UNC13B: variants seen among roughly 807,000 people sequenced by gnomAD.
UNC13B encodes the protein unc-13 homolog B.
A neutral mutation model predicts 211.0 loss-of-function variants in UNC13B; 144 were observed. The ratio of observed to expected loss-of-function variants is 0.68; its 90% CI spans 0.60 to 0.78. The LOEUF (loss-of-function observed/expected upper bound fraction) is 0.78, where lower values mean the gene tolerates loss of function less well. Among genes scored for constraint, UNC13B ranks in the 30% least tolerant of loss-of-function variants. The pLI is 0.00. For synonymous variants in UNC13B, 709 were observed against 725.8 expected, an observed-to-expected ratio of 0.98 and a Z score of 0.37; for missense variants, 1,777 against 2,002.0, an observed-to-expected ratio of 0.89 and a Z score of 2.14.
chr9:35,355,288 A>T (rs1193808361), intron 11 of UNC13B, among the ~76,000 whole-genome samples: 1 of 152,216 alleles, frequency 6.6e-6, no homozygotes, highest in African/African-American at 2.4e-5. Context: ...CCCATGGGGA[A>T]ATGTATTAGG....
intron 6 of UNC13B, among the ~76,000 whole-genome samples, chr9:35,251,308 G>A (rs1013486597): frequency 4.6e-5 from 7 of 152,112 alleles, no homozygotes; most frequent in Admixed American, 1.3e-4. Context: ...CAATCCAGCC[G>A]GGTGTGTTGG....
At chr9:35,289,336 C>A (rs1288764882) in intron 7 of UNC13B, among the ~76,000 whole-genome samples, 1 of 152,114 alleles carries the variant, frequency 6.6e-6, no homozygotes. Context: ...AGTTTGTGGG[C>A]CTTGTGGACC....
chr9:35,167,499 C>T (rs532580125), intron 1 of UNC13B, among the ~76,000 whole-genome samples: 2 of 151,666 alleles, frequency 1.3e-5, no homozygotes, highest in South Asian at 2.1e-4. Flanking sequence ...TATAAGCATA[C>T]ATAATTTAAA....
intron 7 of UNC13B, among the ~76,000 whole-genome samples, chr9:35,259,789 G>T (rs1827147045): frequency 7.7e-6 from 1 of 130,106 alleles, no homozygotes; most frequent in Non-Finnish European, 1.7e-5. Flanking sequence ...GTGTGTGTAG[G>T]GGGATGCGGG....
At position 35,310,563 on chromosome 9, in the gene UNC13B, C is replaced by A. The variant is rs765979882; in HGVS notation, c.9105C>A (p.Asp3035Glu). 1.9e-6 allele frequency: 3 copies of A among 1,613,964 alleles called. No individual in the cohort carries two copies. Among genetic ancestry groups the A allele is most frequent in the African/African-American group, 2.7e-5 (2 of 74,888 alleles). Residue 3035 changes from aspartate to glutamate, a missense_variant, in exon 10 of 40, where the codon GAC (aspartate) becomes GAA (glutamate). Physicochemically the swap from Asp to Glu is conservative, Grantham distance 45. Coordinates refer to ENST00000635942, the MANE Select transcript of UNC13B (RefSeq NM_001371189.2). ...ELDQYHEQDD[D>E]HRETDSIHSC... ...ACCAGTATCACGAACAAGATGACGA[C>A]CATCGGGAGACGGACTCGATTCATT...
intron 11 of UNC13B, chr9:35,352,563 G>C: frequency 1.6e-6 from 2 of 1,232,120 alleles, no homozygotes; most frequent in Non-Finnish European, 2.0e-6. Flanking sequence ...ATGGAAACAG[G>C]GGACAGGGGA....
intron 7 of UNC13B, among the ~76,000 whole-genome samples, chr9:35,280,256 A>ATG (rs2131722433): frequency 6.6e-6 from 1 of 152,314 alleles, no homozygotes; most frequent in African/African-American, 2.4e-5. Context: ...GTTATTTGCA[A>ATG]TGTAAAGTTT....
chr9:35,350,734 TAA>T (rs35760754), intron 11 of UNC13B, among the ~76,000 whole-genome samples: 24,114 of 152,092 alleles, frequency 0.16, 2,878 homozygotes, highest in African/African-American at 0.32. Flanking sequence ...TTAAAATACG[TAA>T]ACCATTGTCC....
At chr9:35,169,847 T>C (rs1283200460) in intron 1 of UNC13B, among the ~76,000 whole-genome samples, 1 of 152,268 alleles carries the variant, frequency 6.6e-6, no homozygotes, top group East Asian at 1.9e-4. Context: ...GCTTAATTTT[T>C]ATCCTATTTA....
intron 11 of UNC13B, among the ~76,000 whole-genome samples, chr9:35,323,117 GTTAATC>G (rs1830823507): frequency 6.6e-6 from 1 of 151,356 alleles, no homozygotes; most frequent in African/African-American, 2.4e-5. Context: ...TCAGTCCAGA[GTTAATC>G]CATCCATTTA....
chr9:35,289,899 C>A (rs1211396237), intron 7 of UNC13B, among the ~76,000 whole-genome samples: 1 of 152,122 alleles, frequency 6.6e-6, no homozygotes, highest in Non-Finnish European at 1.5e-5. Context: ...ATCACTTGAA[C>A]CTGGGGACAG....
At chr9:35,276,379 A>T (rs76370790) in intron 7 of UNC13B, among the ~76,000 whole-genome samples, 1 of 151,514 alleles carries the variant, frequency 6.6e-6, no homozygotes, top group East Asian at 1.9e-4. Flanking sequence ...CATAGCAAAG[A>T]TCTGTTTCCC....
At chr9:35,219,611 T>G (rs1425452981) in intron 1 of UNC13B, among the ~76,000 whole-genome samples, 1 of 143,628 alleles carries the variant, frequency 7.0e-6, no homozygotes, top group Admixed American at 7.1e-5. Context: ...AGCAAGACCC[T>G]GTGTCCAAAA....
chr9:35,313,363 G>T (rs540505764), intron 10 of UNC13B, among the ~76,000 whole-genome samples: 5 of 152,244 alleles, frequency 3.3e-5, no homozygotes, highest in African/African-American at 1.2e-4. Context: ...AGTGGCTCAC[G>T]CCTGTAATCC....
chr9:35,170,109 A>G (rs1290639841), intron 1 of UNC13B, among the ~76,000 whole-genome samples: 1 of 152,170 alleles, frequency 6.6e-6, no homozygotes, highest in Non-Finnish European at 1.5e-5. Context: ...TTGAGTAGGG[A>G]AATAACTGCA....
chr9:35,313,895 C>G lies in UNC13B; in HGVS notation c.9324-4C>G. The G allele has an allele frequency of 6.2e-7, 1 of 1,611,790 alleles. No homozygotes were observed. Among genetic ancestry groups the G allele is most frequent in the Non-Finnish European group, 8.5e-7 (1 of 1,178,046 alleles). The stretch of plus-strand genomic sequence containing the variant: ...TAAGAAATGTACTTTTTCTCTGTTA[C>G]AAGTTTTCCTGAGGAGAATGCATCT... On this transcript the variant is annotated splice_polypyrimidine_tract_variant and splice_region_variant and intron_variant, in intron 10 of 39. Transcript: ENST00000635942.
Position 35,348,981 on chromosome 9 carries a change from G to A in UNC13B, c.9415-17966G>A, listed in dbSNP as rs191640242. On this transcript the variant is annotated intron_variant, in intron 11 of 39. Coordinates refer to ENST00000635942, the MANE Select transcript of UNC13B (RefSeq NM_001371189.2). ...TGCCCAGGCTGGAGTGCAGTGGTGC[G>A]ATCTTGGCTCACCGCAACCTCTGCC... is the stretch of plus-strand genomic sequence containing the variant. Among the ~76,000 whole-genome samples, 266 of 152,058 alleles carry A rather than the reference G, an allele frequency of 1.7e-3. 3 individuals are homozygous for A. Among genetic ancestry groups the A allele is most frequent in the Non-Finnish European group, 2.9e-4 (20 of 67,976 alleles).
chr9:35,169,608 G>A (rs183906751), intron 1 of UNC13B, among the ~76,000 whole-genome samples: 6 of 152,196 alleles, frequency 3.9e-5, no homozygotes, highest in South Asian at 2.1e-4. Context: ...TCCATCGATC[G>A]TGGTTCTAGT....
chr9:35,339,009 A>G (rs1831826811), intron 11 of UNC13B, among the ~76,000 whole-genome samples: 2 of 151,746 alleles, frequency 1.3e-5, no homozygotes, highest in African/African-American at 2.4e-5. Flanking sequence ...TGACTAACCC[A>G]CCCATTCGGC....
Sources: allele counts gnomAD v4.1 joint callset (sites outside exome capture counted in the v4.1 genomes callset), GRCh38; gene constraint gnomAD v4.1.1; transcripts MANE v1.5; gene names NCBI Gene and HGNC (gene_info 2026-07-23, HGNC 2026-07-21).